The following BLK variants were observed in gnomAD, a reference collection of about 807,000 sequenced individuals.
The protein encoded by BLK is BLK proto-oncogene, Src family tyrosine kinase.
BLK carries 64 observed loss-of-function variants against 61.8 expected under a neutral mutation model. That is an observed-to-expected ratio of 1.03 (90% CI 0.85 to 1.27). The LOEUF (loss-of-function observed/expected upper bound fraction) is 1.27. BLK is among the 50% of genes most tolerant of loss of function. The pLI is 0.00. For missense variants in BLK, 853 were observed against 660.5 expected (o/e 1.29, Z -3.19); for synonymous variants, 351 against 272.0 (o/e 1.29, Z -2.86).
At position 11,556,419 on chromosome 8, in the gene BLK, G is replaced by A. The variant is rs1276634312; in HGVS notation, c.773-239G>A. 5.3e-6 allele frequency: 3 copies of A among 568,000 alleles called. No individual in the cohort carries two copies. The African/African-American group carries it at 5.6e-5, about 11-fold the overall frequency. The allele number at this position is 568,000 out of a possible 1,614,324, so 35.2% of individuals were successfully genotyped here. A position where few individuals can be genotyped will look rare whatever the true frequency, so the allele number is the denominator to read the frequency against. On this transcript the variant is annotated intron_variant, in intron 8 of 12. Coordinates refer to ENST00000259089, the MANE Select transcript of BLK (RefSeq NM_001715.3). ...AGAAGGACACAGGCCCAGGGTGTGGGGCAAATAGGTGAAATGCCCCCCAGG... is the reference window on the plus strand; with the variant it reads ...AGAAGGACACAGGCCCAGGGTGTGGAGCAAATAGGTGAAATGCCCCCCAGG...
intron 1 of BLK, among the ~76,000 whole-genome samples, chr8:11,499,390 T>C (rs1216640319): frequency 6.6e-6 from 1 of 152,196 alleles, no homozygotes; most frequent in Non-Finnish European, 1.5e-5. Flanking sequence ...AAGCAATACG[T>C]AACTATATTT....
In BLK at chr8:11,526,308, T is replaced by C. The variant is rs1013848732; in HGVS notation, c.-1-16916T>C. Among the ~76,000 whole-genome samples, 3 of 152,244 alleles carry C rather than the reference T, an allele frequency of 2.0e-5. No individual in the cohort carries two copies. The East Asian group carries it at 5.8e-4, about 29-fold the overall frequency. Reference sequence around the variant, plus strand: ...TAAATAATATATTTAAATGTTTACGTCTCAATTCATTAGCTTTAGGCAGTA... The same window carrying C: ...TAAATAATATATTTAAATGTTTACGCCTCAATTCATTAGCTTTAGGCAGTA... On this transcript the variant is annotated intron_variant, in intron 1 of 12. Transcript: ENST00000259089.
chr8:11,495,117 ATCT>A (rs1325589481), intron 1 of BLK, among the ~76,000 whole-genome samples: 5 of 152,244 alleles, frequency 3.3e-5, no homozygotes, highest in Non-Finnish European at 7.3e-5. Context: ...TGTAATGATG[ATCT>A]TCTTGTTTAA....
intron 1 of BLK, among the ~76,000 whole-genome samples, chr8:11,537,642 T>G (rs943387746): frequency 2.0e-5 from 3 of 152,192 alleles, no homozygotes; most frequent in African/African-American, 7.2e-5. Context: ...CTCTGCCACC[T>G]TCAGCATGAC....
chr8:11,544,388 G>C (rs570626026), intron 2 of BLK, among the ~76,000 whole-genome samples: 1 of 152,154 alleles, frequency 6.6e-6, no homozygotes, highest in African/African-American at 2.4e-5. Context: ...ACATGTCCAC[G>C]TGGTCATCTC....
intron 1 of BLK, among the ~76,000 whole-genome samples, chr8:11,532,033 A>T (rs551033767): frequency 3.3e-5 from 5 of 151,740 alleles, no homozygotes; most frequent in African/African-American, 1.2e-4. Context: ...TAGTTTTTGC[A>T]TTTTTAGTAG....
intron 10 of BLK, chr8:11,560,621 C>T: frequency 2.9e-6 from 1 of 342,368 alleles, no homozygotes; most frequent in Non-Finnish European, 5.8e-6. Context: ...GCTGCTATCC[C>T]TGGCCCAGGC....
chr8:11,530,128 A>T (rs990359661), intron 1 of BLK, among the ~76,000 whole-genome samples: 12 of 152,246 alleles, frequency 7.9e-5, no homozygotes. Flanking sequence ...AGCAAGAATA[A>T]TTATTGGCCA....
At chr8:11,517,767 C>T (rs774572552) in intron 1 of BLK, among the ~76,000 whole-genome samples, 3 of 152,204 alleles carry the variant, frequency 2.0e-5, no homozygotes, top group African/African-American at 7.2e-5. Flanking sequence ...GAGGCAGCAC[C>T]CATGGTGCAG....
intron 1 of BLK, among the ~76,000 whole-genome samples, chr8:11,518,313 T>C (rs1350686654): frequency 1.3e-5 from 2 of 152,210 alleles, no homozygotes; most frequent in Non-Finnish European, 2.9e-5. Flanking sequence ...CCAGAGTGAA[T>C]ACGCACTTTC....
At chr8:11,543,375 G>C in intron 2 of BLK, 28 bp downstream of exon 2, 1 of 1,611,048 alleles carries the variant, frequency 6.2e-7, no homozygotes, top group African/African-American at 1.3e-5. Context: ...CCCACCAAGA[G>C]CAGATTACTT....
Position 11,546,052 on chromosome 8 carries a change from G to T in BLK, c.124G>T (p.Val42Phe). The T allele has an allele frequency of 6.2e-7, 1 of 1,614,174 alleles. No homozygotes were observed. Among genetic ancestry groups the T allele is most frequent in the Non-Finnish European group, 8.5e-7 (1 of 1,180,034 alleles). Residue 42 changes from valine (V) to phenylalanine (F), a missense_variant and splice_region_variant, in exon 3 of 13, where the codon GTT becomes TTT. Transcript: ENST00000259089. The part of the protein sequence containing the change: ...DKDAPPLPPL[V>F]VFNHLTPPPP... ...CTCAAGTGTGTGTTTTCTACCCAAGGTTGTCTTCAACCACCTTACTCCTCC... is the reference window on the plus strand; with the variant it reads ...CTCAAGTGTGTGTTTTCTACCCAAGTTTGTCTTCAACCACCTTACTCCTCC...
chr8:11,559,748 A>C (rs11783065), intron 10 of BLK: 12 of 455,412 alleles, frequency 2.6e-5, no homozygotes, highest in Non-Finnish European at 5.3e-5. Context: ...CCACCCCTCT[A>C]CCTCCTCTGC....
At chr8:11,509,336 G>A (rs779072136) in intron 1 of BLK, 1 of 152,136 alleles carries the variant, frequency 6.6e-6, no homozygotes, top group Admixed American at 6.5e-5. Context: ...CCATCCACAG[G>A]GCTGTTGCCC....
At chr8:11,551,260 C>G (rs1800888760) in intron 6 of BLK, among the ~76,000 whole-genome samples, 1 of 152,190 alleles carries the variant, frequency 6.6e-6, no homozygotes, top group African/African-American at 2.4e-5. Flanking sequence ...AGCTTATTAT[C>G]TCACAGCTCT....
chr8:11,531,177 T>C (rs969080873), intron 1 of BLK, among the ~76,000 whole-genome samples: 1 of 152,228 alleles, frequency 6.6e-6, no homozygotes, highest in African/African-American at 2.4e-5. Flanking sequence ...AATTTTTGGC[T>C]TCTTTTATAG....
chr8:11,499,082 C>T (rs1798465170), intron 1 of BLK, among the ~76,000 whole-genome samples: 1 of 152,178 alleles, frequency 6.6e-6, no homozygotes, highest in Admixed American at 6.5e-5. Context: ...AGTCACAGGG[C>T]ACATAAGATT....
chr8:11,560,998 T>A (rs1420839485), intron 10 of BLK: 5 of 576,592 alleles, frequency 8.7e-6, no homozygotes, highest in African/African-American at 1.8e-5. Context: ...CCTTTTCTCC[T>A]GCCTGTGTTC....
chr8:11,513,042 T>C (rs1245586783), intron 1 of BLK, among the ~76,000 whole-genome samples: 1 of 152,224 alleles, frequency 6.6e-6, no homozygotes. Context: ...TTCATGGAAG[T>C]CTGAAGCAAG....
Sources: allele counts gnomAD v4.1 joint callset (sites outside exome capture counted in the v4.1 genomes callset), GRCh38; gene constraint gnomAD v4.1.1; transcripts MANE v1.5; gene names NCBI Gene and HGNC (gene_info 2026-07-23, HGNC 2026-07-21).